ZNF804A: variants seen among roughly 807,000 people sequenced by gnomAD.
ZNF804A encodes the protein zinc finger protein 804A.
ZNF804A carries 2 observed loss-of-function variants against 16.5 expected under a neutral mutation model. That is an observed-to-expected ratio of 0.12 (90% confidence interval 0.05 to 0.38). The LOEUF is 0.38. Among genes scored for constraint, ZNF804A ranks in the 10% least tolerant of loss-of-function variants. The pLI is 0.99. For missense variants in ZNF804A, 1,473 were observed against 1,390.7 expected, an observed-to-expected ratio of 1.06 and a Z score of -0.94; for synonymous variants, 534 against 489.6, an observed-to-expected ratio of 1.09 and a Z score of -1.20.
intron 1 of ZNF804A, among the ~76,000 whole-genome samples, chr2:184,841,606 G>T (rs1695437283): frequency 1.3e-5 from 2 of 151,984 alleles, no homozygotes; most frequent in Admixed American, 1.3e-4. Context: ...ACTATTTAAT[G>T]TATCACCTTC....
intron 2 of ZNF804A, among the ~76,000 whole-genome samples, chr2:184,880,591 G>A (rs1457999439): frequency 6.6e-6 from 1 of 151,998 alleles, no homozygotes; most frequent in Non-Finnish European, 1.5e-5. Context: ...TTATTCTGTG[G>A]ACAGACAACT....
intron 1 of ZNF804A, among the ~76,000 whole-genome samples, chr2:184,855,082 G>A (rs1278071214): frequency 6.6e-6 from 1 of 151,958 alleles, no homozygotes; most frequent in East Asian, 1.9e-4. Flanking sequence ...AATCTATAAC[G>A]CTGATTAAAC....
chr2:184,637,727 A>G (rs907554614), intron 1 of ZNF804A, among the ~76,000 whole-genome samples: 1 of 152,054 alleles, frequency 6.6e-6, no homozygotes, highest in African/African-American at 2.4e-5. Context: ...CTTAATAATT[A>G]AGCTATTTAT....
intron 1 of ZNF804A, among the ~76,000 whole-genome samples, chr2:184,708,649 C>T (rs1416587656): frequency 6.6e-6 from 1 of 152,020 alleles, no homozygotes; most frequent in African/African-American, 2.4e-5. Context: ...TTGCCATATA[C>T]AAATATTAAC....
intron 1 of ZNF804A, among the ~76,000 whole-genome samples, chr2:184,852,852 G>T (rs925173289): frequency 1.3e-5 from 2 of 151,556 alleles, no homozygotes; most frequent in Non-Finnish European, 3.0e-5. Flanking sequence ...ATATCTTTGT[G>T]GCATATTTTG....
chr2:184,911,565 G>A (rs1685358884), intron 2 of ZNF804A, among the ~76,000 whole-genome samples: 1 of 152,058 alleles, frequency 6.6e-6, no homozygotes, highest in Non-Finnish European at 1.5e-5. Context: ...ACTTTGAGCA[G>A]TATGGTCATT....
chr2:184,905,373 G>C (rs932172048), intron 2 of ZNF804A, among the ~76,000 whole-genome samples: 3 of 151,900 alleles, frequency 2.0e-5, no homozygotes, highest in Non-Finnish European at 4.4e-5. Context: ...TTCCTGACAA[G>C]AAATTTCACA....
At chr2:184,627,886 C>G (rs1691530722) in intron 1 of ZNF804A, among the ~76,000 whole-genome samples, 1 of 152,044 alleles carries the variant, frequency 6.6e-6, no homozygotes, top group African/African-American at 2.4e-5. Flanking sequence ...ATTTCAACTT[C>G]CTAGGAAAGT....
At chr2:184,843,768 T>C (rs1695473441) in intron 1 of ZNF804A, among the ~76,000 whole-genome samples, 1 of 152,158 alleles carries the variant, frequency 6.6e-6, no homozygotes, top group African/African-American at 2.4e-5. Context: ...TATCTGATTA[T>C]GTATATTTAA....
At chr2:184,760,222 T>C (rs749853138) in intron 1 of ZNF804A, among the ~76,000 whole-genome samples, 1 of 152,106 alleles carries the variant, frequency 6.6e-6, no homozygotes, top group African/African-American at 2.4e-5. Flanking sequence ...CTGACAATTA[T>C]GCCTTATGCA....
chr2:184,804,067 T>C (rs1266740214), intron 1 of ZNF804A, among the ~76,000 whole-genome samples: 2 of 152,150 alleles, frequency 1.3e-5, no homozygotes, highest in Non-Finnish European at 2.9e-5. Context: ...AGTTTCACCA[T>C]GTTGGTCAGG....
At chr2:184,928,460 A>C (rs1199833838) in intron 2 of ZNF804A, among the ~76,000 whole-genome samples, 1 of 152,046 alleles carries the variant, frequency 6.6e-6, no homozygotes, top group Admixed American at 6.5e-5. Flanking sequence ...TGAGCTCTGC[A>C]GCCTGGGGTT....
chr2:184,613,253 A>C (rs1431203887), intron 1 of ZNF804A, among the ~76,000 whole-genome samples: 1 of 152,156 alleles, frequency 6.6e-6, no homozygotes, highest in African/African-American at 2.4e-5. Flanking sequence ...AATCATTCAT[A>C]TTCTCTCTCT....
At chr2:184,700,470 A>C (rs1368473966) in intron 1 of ZNF804A, among the ~76,000 whole-genome samples, 1 of 152,098 alleles carries the variant, frequency 6.6e-6, no homozygotes, top group Non-Finnish European at 1.5e-5. Flanking sequence ...AGTCCATTTC[A>C]AAGTGATGAA....
chr2:184,664,661 ATC>A (rs1692228826), intron 1 of ZNF804A, among the ~76,000 whole-genome samples: 1 of 152,130 alleles, frequency 6.6e-6, no homozygotes, highest in East Asian at 1.9e-4. Context: ...CTTTAGCTGC[ATC>A]ATGCAGAGAA....
rs547216326 is a variant in ZNF804A at position 184,938,968 on chromosome 2, T to C, written c.3572T>C (p.Leu1191Pro). ...HLAFPSLPHA[L>P]FPSLLSPHPT... ...GCTTTCCCATCTTTACCCCATGCACTCTTTCCTTCACTGCTTTCCCCACAC... is the reference window on the plus strand; with the variant it reads ...GCTTTCCCATCTTTACCCCATGCACCCTTTCCTTCACTGCTTTCCCCACAC... Residue 1191 changes from leucine to proline, a missense_variant, in exon 4 of 4, where the codon CTC becomes CCC. Physicochemically the swap from Leu to Pro is moderately conservative, Grantham distance 98 (BLOSUM62 -3). Coordinates refer to ENST00000302277, the MANE Select transcript of ZNF804A (RefSeq NM_194250.2). 12 of 1,613,730 alleles carry C rather than the reference T, an allele frequency of 7.4e-6. No individual in the cohort carries two copies. The highest frequency in any genetic ancestry group is 1.3e-5 in the African/African-American group (1 of 74,840).
intron 1 of ZNF804A, among the ~76,000 whole-genome samples, chr2:184,856,371 A>T (rs1305846549): frequency 2.0e-5 from 3 of 152,004 alleles, no homozygotes; most frequent in African/African-American, 7.2e-5. Context: ...AATGATGTAC[A>T]GTAATCTCTT....
intron 1 of ZNF804A, among the ~76,000 whole-genome samples, chr2:184,705,508 T>C (rs958036638): frequency 1.3e-5 from 2 of 152,366 alleles, no homozygotes; most frequent in Admixed American, 6.5e-5. Flanking sequence ...ATAAATGTTT[T>C]CTGCTTTTTT....
At chr2:184,717,984 G>A (rs954062452) in intron 1 of ZNF804A, among the ~76,000 whole-genome samples, 1 of 152,078 alleles carries the variant, frequency 6.6e-6, no homozygotes, top group Middle Eastern at 3.4e-3. Context: ...TCAGGCAAGA[G>A]AAAAAAATAA....
Sources: allele counts gnomAD v4.1 joint callset (sites outside exome capture counted in the v4.1 genomes callset), GRCh38; gene constraint gnomAD v4.1.1; transcripts MANE v1.5; gene names NCBI Gene and HGNC (gene_info 2026-07-23, HGNC 2026-07-21).